The following TOX2 variants were observed in gnomAD, a reference collection of about 807,000 sequenced individuals.
The protein encoded by TOX2 is granulosa cell HMG box 1.
A neutral mutation model predicts 47.4 loss-of-function variants in TOX2; 15 were observed. The ratio of observed to expected loss-of-function variants is 0.32; its 90% CI spans 0.21 to 0.49. The LOEUF is 0.49. Ranked by LOEUF, TOX2 falls within the 20% of genes least tolerant of loss-of-function variation. The pLI is 0.99. For synonymous variants in TOX2, 290 were observed against 296.6 expected (o/e 0.98, Z 0.23); for missense variants, 622 against 673.1 (o/e 0.92, Z 0.84).
At chr20:43,983,678 T>G (rs1023996551) in intron 2 of TOX2, among the ~76,000 whole-genome samples, 3 of 144,936 alleles carry the variant, frequency 2.1e-5, no homozygotes, top group Non-Finnish European at 4.6e-5. Flanking sequence ...TGAGGGTAGA[T>G]GGTCTGTTTT....
At chr20:44,009,559 C>T (rs1344408003) in intron 3 of TOX2, among the ~76,000 whole-genome samples, 1 of 152,128 alleles carries the variant, frequency 6.6e-6, no homozygotes, top group African/African-American at 2.4e-5. Context: ...CCATTTATGC[C>T]TGAGGTTGCA....
intron 5 of TOX2, among the ~76,000 whole-genome samples, chr20:44,061,782 A>C (rs2071722450): frequency 1.3e-5 from 2 of 152,170 alleles, no homozygotes; most frequent in Non-Finnish European, 1.5e-5. Context: ...AAGATAATCC[A>C]CCATGATCAA....
At chr20:43,999,395 C>T (rs979705979) in intron 2 of TOX2, among the ~76,000 whole-genome samples, 5 of 151,746 alleles carry the variant, frequency 3.3e-5, no homozygotes, top group Admixed American at 1.3e-4. Context: ...AGTTTCAGGG[C>T]AAGATCAGTA....
intron 2 of TOX2, among the ~76,000 whole-genome samples, chr20:43,995,686 C>T (rs1182247860): frequency 6.6e-6 from 1 of 152,154 alleles, no homozygotes; most frequent in Non-Finnish European, 1.5e-5. Context: ...AAGTAGAACC[C>T]AGTGTCTGTT....
intron 2 of TOX2, among the ~76,000 whole-genome samples, chr20:44,002,747 T>G (rs1430037496): frequency 6.6e-6 from 1 of 152,094 alleles, no homozygotes; most frequent in Non-Finnish European, 1.5e-5. Flanking sequence ...AGCAGGCATG[T>G]CACACGGCAG....
chr20:43,934,139 G>GAGAA (rs1345047275), intron 1 of TOX2, among the ~76,000 whole-genome samples: 4 of 145,726 alleles, frequency 2.7e-5, no homozygotes, highest in Non-Finnish European at 6.1e-5. Context: ...AAGGTAAGGA[G>GAGAA]AGAGAGAGAG....
At chr20:44,053,895 G>A (rs1311206109) in intron 4 of TOX2, among the ~76,000 whole-genome samples, 1 of 152,156 alleles carries the variant, frequency 6.6e-6, no homozygotes, top group Non-Finnish European at 1.5e-5. Flanking sequence ...TGATTATAAG[G>A]CAAATTAACT....
At chr20:44,009,753 A>G (rs2070748715) in intron 3 of TOX2, among the ~76,000 whole-genome samples, 2 of 152,206 alleles carry the variant, frequency 1.3e-5, no homozygotes, top group Non-Finnish European at 2.9e-5. Context: ...ACTGCTCCGG[A>G]CCATCCCTGT....
chr20:43,968,654 C>A (rs796459029), intron 1 of TOX2, among the ~76,000 whole-genome samples: 1 of 152,292 alleles, frequency 6.6e-6, no homozygotes, highest in Non-Finnish European at 1.5e-5. Context: ...AAACTCATTT[C>A]CATGACAAAA....
intron 2 of TOX2, among the ~76,000 whole-genome samples, chr20:43,981,770 G>A (rs181383770): frequency 2.9e-4 from 44 of 152,302 alleles, no homozygotes; most frequent in African/African-American, 1.0e-3. Flanking sequence ...AGTATAAGCA[G>A]TTTTGATGTG....
chr20:43,983,428 T>C (rs2070204444), intron 2 of TOX2, among the ~76,000 whole-genome samples: 1 of 152,064 alleles, frequency 6.6e-6, no homozygotes, highest in Non-Finnish European at 1.5e-5. Context: ...GGGGAGATGG[T>C]ACCATCAGGA....
At chr20:43,992,345 G>A (rs2070383375) in intron 2 of TOX2, among the ~76,000 whole-genome samples, 2 of 152,118 alleles carry the variant, frequency 1.3e-5, no homozygotes, top group South Asian at 4.1e-4. Flanking sequence ...TCGTGTAGGA[G>A]CGATCGTGTA....
intron 1 of TOX2, among the ~76,000 whole-genome samples, chr20:43,925,433 G>A (rs73287094): frequency 0.023 from 3,464 of 152,230 alleles, 141 homozygotes; most frequent in African/African-American, 0.077. Context: ...TTTGTCCCTC[G>A]GGTAGGCCAG....
chr20:44,044,433 A>G (rs1036312589), intron 3 of TOX2, among the ~76,000 whole-genome samples: 14 of 152,204 alleles, frequency 9.2e-5, no homozygotes, highest in Non-Finnish European at 1.5e-4. Context: ...AAAAAAAAAA[A>G]AAAGAAATGC....
chr20:44,066,016 G>A lies in TOX2; in HGVS notation c.1265G>A (p.Ser422Asn). 1 of 1,611,220 alleles carries A rather than the reference G, an allele frequency of 6.2e-7. No individual in the cohort carries two copies. ...AQGALLSPPV[S>N]MSPAPQPPVL... ...GGCGCCCTCCTCAGTCCACCTGTTA[G>A]CATGTCCCCAGCCCCCCAGCCCCCT... Residue 422 changes from serine to asparagine, a missense_variant, in exon 7 of 9, where the codon AGC (serine) becomes AAC (asparagine). Ser to Asn is a conservative substitution (Grantham distance 46). This residue lies in a region of TOX2 where 294 missense variants were observed against 300.0 expected (regional missense o/e 0.98). Coordinates refer to ENST00000341197, the MANE Select transcript of TOX2 (RefSeq NM_001098797.2).
At chr20:44,014,078 C>T (rs1441301517) in intron 3 of TOX2, among the ~76,000 whole-genome samples, 2 of 120,164 alleles carry the variant, frequency 1.7e-5, no homozygotes, top group Non-Finnish European at 3.2e-5. Context: ...TGCAGTGAGC[C>T]AAGATCATGC....
chr20:44,063,281 A>G (rs1450808013), intron 5 of TOX2, among the ~76,000 whole-genome samples: 2 of 152,226 alleles, frequency 1.3e-5, no homozygotes, highest in African/African-American at 4.8e-5. Flanking sequence ...AACTCAAATC[A>G]GCAAGAAAAA....
rs35627597 is a variant in TOX2, at chr20:44,023,431, G to GAAAAAAAAA, written c.411+16650_411+16658dup. Among the ~76,000 whole-genome samples the GAAAAAAAAA allele has an allele frequency of 1.5e-3, 181 of 119,122 alleles. 8 individuals are homozygous for GAAAAAAAAA. Among genetic ancestry groups the GAAAAAAAAA allele is most frequent in the African/African-American group, 6.0e-3 (176 of 29,462 alleles). 78.1% of individuals were successfully genotyped at this position (119,122 alleles called of 152,430 possible). A position where few individuals can be genotyped will look rare whatever the true frequency, so the allele number is the denominator to read the frequency against. On this transcript the variant is annotated intron_variant, in intron 3 of 8. Coordinates refer to ENST00000341197, the MANE Select transcript of TOX2 (RefSeq NM_001098797.2). ...GGTGACAGAGCTAGACTTTATCTCA[G>GAAAAAAAAA]AAAAAAAAAAAAAAAAAAAGGAGGG...
chr20:43,997,322 G>A (rs2070498377), intron 2 of TOX2, among the ~76,000 whole-genome samples: 1 of 152,104 alleles, frequency 6.6e-6, no homozygotes. Flanking sequence ...AAGCAATACA[G>A]CAGGTTGATA....
Sources: allele counts gnomAD v4.1 joint callset (sites outside exome capture counted in the v4.1 genomes callset), GRCh38; gene constraint gnomAD v4.1.1; regional missense constraint gnomAD v4.1.1; transcripts MANE v1.5; gene names NCBI Gene and HGNC (gene_info 2026-07-23, HGNC 2026-07-21).